TMEM14B: variants seen among roughly 807,000 people sequenced by gnomAD.
The protein encoded by TMEM14B is transmembrane protein 14B.
Under a neutral mutation model 14.8 loss-of-function variants are expected in TMEM14B, and 9 were observed. The ratio of observed to expected loss-of-function variants is 0.61; its 90% confidence interval spans 0.37 to 1.06. TMEM14B has a LOEUF of 1.06. Among genes scored for constraint, TMEM14B ranks in the 50% least tolerant of loss-of-function variants. The pLI is 0.01. For synonymous variants in TMEM14B, 40 were observed against 51.3 expected (o/e 0.78, Z 0.94); for missense variants, 128 against 143.6 (o/e 0.89, Z 0.56).
chr6:10,758,903 C>G, downstream of TMEM14B: 1 of 187,810 alleles, frequency 5.3e-6, no homozygotes, highest in East Asian at 2.0e-4. Context: ...CCTTAGAGAT[C>G]TAATTCTTTT....
chr6:10,755,209 T>C lies in TMEM14B; in HGVS notation c.270T>C (p.Pro90=), dbSNP rs17851071. The part of the protein sequence containing the change: ...MRSYYYGKFM[P]VGLIAGASLL... ...CCTACTACTATGGAAAATTCATGCC[T>C]GTAGGTTTAATTGCAGGTGCCAGGT... The change falls in exon 5 of 6, where the codon CCT becomes CCC. Residue 90 remains proline (P), a synonymous_variant. Coordinates refer to ENST00000379542, the MANE Select transcript of TMEM14B (RefSeq NM_030969.5). 1 of 1,614,224 alleles carries C rather than the reference T, an allele frequency of 6.2e-7. No individual in the cohort carries two copies. The highest frequency in any genetic ancestry group is 8.5e-7 in the Non-Finnish European group (1 of 1,180,030).
At chr6:10,753,139 G>A (rs1344116951) in intron 4 of TMEM14B, among the ~76,000 whole-genome samples, 1 of 152,030 alleles carries the variant, frequency 6.6e-6, no homozygotes, top group Non-Finnish European at 1.5e-5. Flanking sequence ...AGGAGGTTGA[G>A]GCAGGAGAAT....
In TMEM14B at chr6:10,749,659, C is replaced by G. The variant is rs772941671; in HGVS notation, c.61C>G (p.Leu21Val). 6.8e-6 allele frequency: 11 copies of G among 1,614,220 alleles called. No homozygotes were observed. Among genetic ancestry groups the G allele is most frequent in the Admixed American group, 1.7e-5 (1 of 60,030 alleles). ...LHWFGFGYTA[L>V]VVSGGIVGYV... ...TTGGTTTGGCTTTGGCTACACAGCA[C>G]TGGTTGTTTCTGGTGGGATCGTTGG... is the stretch of plus-strand genomic sequence containing the variant. Residue 21 changes from leucine (L) to valine (V), a missense_variant, in exon 3 of 6, where the codon CTG becomes GTG. Transcript: ENST00000379542.
In TMEM14B at chr6:10,748,304, A is replaced by T. The variant is rs575696388; in HGVS notation, c.-45+423A>T. Among the ~76,000 whole-genome samples the T allele has an allele frequency of 1.5e-3, 226 of 152,158 alleles. 3 individuals are homozygous for T. The highest frequency in any genetic ancestry group is 2.4e-4 in the African/African-American group (10 of 41,506). ...TGTGTCGCCCAGCCTGGAGTGCAGT[A>T]GCCTGAATATGTCTTATTGCAGCCT... On this transcript the variant is annotated intron_variant, in intron 1 of 5. Transcript: ENST00000379542.
At chr6:10,749,984 A>G (rs906206801) in intron 3 of TMEM14B, 25 of 465,334 alleles carry the variant, frequency 5.4e-5, no homozygotes, top group Non-Finnish European at 7.9e-5. Context: ...TTCATCAGCC[A>G]TGACCCCCAA....
intron 4 of TMEM14B, among the ~76,000 whole-genome samples, chr6:10,753,092 C>T (rs917134332): frequency 2.6e-5 from 4 of 151,966 alleles, no homozygotes; most frequent in Non-Finnish European, 5.9e-5. Context: ...CAAAATTAGC[C>T]GGGCTTGGTG....
intron 5 of TMEM14B, chr6:10,755,524 C>A (rs192382236): frequency 1.5e-6 from 2 of 1,368,354 alleles, no homozygotes; most frequent in South Asian, 4.0e-5. Context: ...GTGTGACTTG[C>A]GGAGGATGTG....
At position 10,756,828 on chromosome 6, in the gene TMEM14B, C is replaced by G. The variant is rs1390728200; in HGVS notation, c.*310C>G. 2.9e-6 allele frequency: 3 copies of G among 1,018,128 alleles called. No individual in the cohort carries two copies. Among genetic ancestry groups the G allele is most frequent in the Non-Finnish European group, 3.5e-6 (3 of 851,780 alleles). 63.1% of individuals were successfully genotyped at this position (1,018,128 alleles called of 1,614,324 possible). ...ATGTTAGGTGTTGACATTGAGAACC[C>G]TGAAACCCCATTCCCTGCTCAGAGG... On this transcript the variant is annotated 3_prime_UTR_variant, in exon 6 of 6. Coordinates refer to ENST00000379542, the MANE Select transcript of TMEM14B (RefSeq NM_030969.5).
intron 1 of TMEM14B, among the ~76,000 whole-genome samples, 181 bp downstream of exon 1, chr6:10,748,062 G>T (rs550380959): frequency 6.6e-6 from 1 of 152,246 alleles, no homozygotes; most frequent in South Asian, 2.1e-4. Context: ...GGCTGTGGAT[G>T]CTCGGAGCAC....
Position 10,749,653 on chromosome 6 carries a change from A to G in TMEM14B, c.55A>G (p.Thr19Ala). The stretch of plus-strand genomic sequence containing the variant: ...TTTGCATTGGTTTGGCTTTGGCTAC[A>G]CAGCACTGGTTGTTTCTGGTGGGAT... Reference protein sequence around the residue: ...VPLHWFGFGYTALVVSGGIVG... With the variant: ...VPLHWFGFGYAALVVSGGIVG... The change falls in exon 3 of 6, where the codon ACA becomes GCA. Residue 19 changes from threonine to alanine, a missense_variant. Transcript: ENST00000379542. 1 of 1,614,244 alleles carries G rather than the reference A, an allele frequency of 6.2e-7. No homozygotes were observed.
In TMEM14B at chr6:10,752,055, T is replaced by G. The variant is rs888116838; in HGVS notation, c.202+821T>G. 1.9e-4 allele frequency among the ~76,000 whole-genome samples: 29 copies of G among 151,256 alleles called. 1 individual carries two copies. Among genetic ancestry groups the G allele is most frequent in the African/African-American group, 6.8e-4 (28 of 41,008 alleles). On this transcript the variant is annotated intron_variant, in intron 4 of 5. Coordinates refer to ENST00000379542, the MANE Select transcript of TMEM14B (RefSeq NM_030969.5). ...TATCAGCTGGGGTGGGGAAGGGAGG[T>G]CCGTGATGGCTAATGGGGTGTGCTG...
chr6:10,753,310 T>C (rs989803463), intron 4 of TMEM14B, among the ~76,000 whole-genome samples: 2 of 152,126 alleles, frequency 1.3e-5, no homozygotes, highest in Non-Finnish European at 2.9e-5. Flanking sequence ...TTTCTGTCCC[T>C]GTGTTTGTGG....
In TMEM14B at chr6:10,756,537, T is replaced by G. The variant is rs376155081; in HGVS notation, c.*19T>G. On this transcript the variant is annotated 3_prime_UTR_variant, in exon 6 of 6. Coordinates refer to ENST00000379542, the MANE Select transcript of TMEM14B (RefSeq NM_030969.5). ...TGATTAGCAGAAGTCATGTTCCAGCTTGGACTCATGAAGGATTAAAAATCT... is the reference window on the plus strand; with the variant it reads ...TGATTAGCAGAAGTCATGTTCCAGCGTGGACTCATGAAGGATTAAAAATCT... 1 of 1,611,312 alleles carries G rather than the reference T, an allele frequency of 6.2e-7. No individual in the cohort carries two copies. The highest frequency in any genetic ancestry group is 8.5e-7 in the Non-Finnish European group (1 of 1,179,042).
At chr6:10,749,918 T>C in intron 3 of TMEM14B, 1 of 609,244 alleles carries the variant, frequency 1.6e-6, no homozygotes, top group East Asian at 2.8e-5. Flanking sequence ...TATTTTTGCC[T>C]CTTTATCTAA....
chr6:10,753,920 T>C (rs963582865), intron 4 of TMEM14B, among the ~76,000 whole-genome samples: 2 of 152,182 alleles, frequency 1.3e-5, no homozygotes, highest in South Asian at 2.1e-4. Flanking sequence ...GGTATCCCCA[T>C]GTACCCTCTA....
chr6:10,754,615 G>A (rs1771735290), intron 4 of TMEM14B, among the ~76,000 whole-genome samples: 1 of 152,200 alleles, frequency 6.6e-6, no homozygotes, highest in Non-Finnish European at 1.5e-5. Context: ...TATACCTGAA[G>A]CACACATTGT....
chr6:10,757,398 C>T (rs186455777), downstream of TMEM14B, among the ~76,000 whole-genome samples: 23 of 152,174 alleles, frequency 1.5e-4, no homozygotes, highest in Admixed American at 8.5e-4. Context: ...TGGTCTCATG[C>T]GATTCTCTCT....
At chr6:10,749,510 C>A in intron 2 of TMEM14B, 112 bp from the exon 3 acceptor site, 2 of 1,278,660 alleles carry the variant, frequency 1.6e-6, no homozygotes, top group South Asian at 1.2e-5. Context: ...TACCTGTGGG[C>A]ACATAGGACC....
At chr6:10,750,101 T>G (rs1212128777) in intron 3 of TMEM14B, 4 of 208,200 alleles carry the variant, frequency 1.9e-5, no homozygotes, top group Admixed American at 5.3e-5. Context: ...CTGTGCTTGT[T>G]TTTGCCCCCT....
Sources: gnomAD v4.1 joint callset for allele counts (sites outside exome capture counted in the v4.1 genomes callset) on GRCh38, gnomAD v4.1.1 for gene constraint, MANE v1.5 for transcripts, NCBI Gene and HGNC (gene_info 2026-07-23, HGNC 2026-07-21) for gene names.